The following TAAR5 variants were observed in gnomAD, a reference collection of about 807,000 sequenced individuals.
TAAR5 encodes trace amine-associated receptor 5.
In TAAR5, 27 loss-of-function variants were observed where a neutral mutation model predicts 21.1. The ratio of observed to expected loss-of-function variants is 1.28; its 90% CI spans 0.94 to 1.76. TAAR5 has a LOEUF of 1.76. Among genes scored for constraint, TAAR5 ranks in the 40% most tolerant of loss-of-function variants. The probability of loss-of-function intolerance (pLI) is 0.00; values close to 1 mark genes in which losing one functional copy is unlikely to be tolerated. For synonymous variants in TAAR5, 203 were observed against 167.5 expected (o/e 1.21, Z -1.64); for missense variants, 495 against 405.6 (o/e 1.22, Z -1.89).
chr6:132,600,090 C>A, the TAAR5 span, among the ~76,000 whole-genome samples: 1 of 152,156 alleles, frequency 6.6e-6, no homozygotes, highest in African/African-American at 2.4e-5. Flanking sequence ...ATTATCAGAA[C>A]CTAGAAGCAC....
chr6:132,604,385 C>T, the TAAR5 span, among the ~76,000 whole-genome samples: 5 of 151,936 alleles, frequency 3.3e-5, no homozygotes, highest in Non-Finnish European at 5.9e-5. Context: ...TCAGGTGATC[C>T]GTCTGTCTCA....
At chr6:132,615,955 C>A in the TAAR5 span, among the ~76,000 whole-genome samples, 6 of 151,168 alleles carry the variant, frequency 4.0e-5, no homozygotes, top group South Asian at 2.1e-4. Flanking sequence ...CTATACTTAG[C>A]CTCGGTGCAA....
At chr6:132,589,775 A>T (rs1004647840), upstream of TAAR5, 144 of 872,476 alleles carry the variant, frequency 1.7e-4, no homozygotes, top group South Asian at 2.5e-4. Context: ...AAAAAAAAAA[A>T]ATATGTCTGC....
At chr6:132,604,374 C>T in the TAAR5 span, among the ~76,000 whole-genome samples, 2 of 151,944 alleles carry the variant, frequency 1.3e-5, no homozygotes, top group Admixed American at 1.3e-4. Context: ...ATCTCTTGAC[C>T]TCAGGTGATC....
chr6:132,608,941 A>G, the TAAR5 span: 2 of 455,978 alleles, frequency 4.4e-6, no homozygotes, highest in Admixed American at 2.3e-5. Context: ...CAGTCTGAGC[A>G]TCATGTCAAA....
chr6:132,605,279 C>T, the TAAR5 span, among the ~76,000 whole-genome samples: 14 of 152,138 alleles, frequency 9.2e-5, no homozygotes, highest in East Asian at 1.9e-4. Flanking sequence ...AGCTGTGAAA[C>T]GGGAGAGAAG....
chr6:132,597,035 G>A, the TAAR5 span, among the ~76,000 whole-genome samples: 2 of 152,138 alleles, frequency 1.3e-5, no homozygotes, highest in East Asian at 1.9e-4. Flanking sequence ...CATAAATAAA[G>A]CATTCCCCAT....
upstream of TAAR5, among the ~76,000 whole-genome samples, chr6:132,592,050 T>C (rs1776914458): frequency 1.3e-5 from 2 of 152,202 alleles, no homozygotes; most frequent in Non-Finnish European, 2.9e-5. Context: ...TCCACTGACT[T>C]TTAGAAATAC....
In TAAR5 at chr6:132,589,183, T is replaced by C; in HGVS notation, c.504A>G (p.Leu168=). The change falls in exon 1 of 1, where the codon TTA becomes TTG. Residue 168 remains leucine (L), a synonymous_variant. Coordinates refer to ENST00000258034, the MANE Select transcript of TAAR5 (RefSeq NM_003967.3). The stretch of plus-strand genomic sequence containing the variant: ...TCTCTACCACATCTGTGTAGAGGAA[T>C]AACGAAGTGTATGCTGCGGGCACCC... ...GWGVPAAYTS[L]FLYTDVVETR... is the part of the protein sequence containing the mutation. The C allele has an allele frequency of 6.2e-7, 1 of 1,606,648 alleles. No homozygotes were observed.
the TAAR5 span, among the ~76,000 whole-genome samples, chr6:132,611,353 T>A: frequency 6.6e-6 from 1 of 151,984 alleles, no homozygotes; most frequent in Admixed American, 6.6e-5. Context: ...AGAATGAATA[T>A]GATCTAGTAT....
the TAAR5 span, among the ~76,000 whole-genome samples, chr6:132,603,548 G>A: frequency 6.7e-6 from 1 of 149,716 alleles, no homozygotes; most frequent in African/African-American, 2.4e-5. Context: ...TATTCATTTT[G>A]GAAATGATCT....
the TAAR5 span, among the ~76,000 whole-genome samples, chr6:132,605,969 C>T: frequency 2.8e-5 from 4 of 142,068 alleles, no homozygotes; most frequent in South Asian, 6.4e-4. Context: ...CATGTATTAG[C>T]TGGAAACAAT....
the TAAR5 span, among the ~76,000 whole-genome samples, chr6:132,612,896 CCA>C: frequency 6.6e-6 from 1 of 152,160 alleles, no homozygotes; most frequent in African/African-American, 2.4e-5. Context: ...GGGGACTCTG[CCA>C]CACCCTAGTT....
the TAAR5 span, among the ~76,000 whole-genome samples, chr6:132,613,192 A>G: frequency 6.6e-6 from 1 of 152,342 alleles, no homozygotes; most frequent in Non-Finnish European, 1.5e-5. Context: ...GCATCTGTCT[A>G]GTAAGAACAC....
chr6:132,612,335 C>A, the TAAR5 span, among the ~76,000 whole-genome samples: 1 of 152,140 alleles, frequency 6.6e-6, no homozygotes, highest in African/African-American at 2.4e-5. Flanking sequence ...TTAAAAATAT[C>A]TGTGTTGTTT....
chr6:132,604,630 A>T, the TAAR5 span, among the ~76,000 whole-genome samples: 1 of 152,160 alleles, frequency 6.6e-6, no homozygotes, highest in Non-Finnish European at 1.5e-5. Context: ...GAGAGGAGAG[A>T]TTCGACGTGC....
the TAAR5 span, among the ~76,000 whole-genome samples, chr6:132,602,909 G>T: frequency 6.6e-6 from 1 of 151,424 alleles, no homozygotes; most frequent in East Asian, 1.9e-4. Flanking sequence ...ATGAACTAAA[G>T]AGCTCATAAA....
chr6:132,608,006 C>T, the TAAR5 span, among the ~76,000 whole-genome samples: 3 of 152,274 alleles, frequency 2.0e-5, no homozygotes, highest in East Asian at 3.9e-4. Flanking sequence ...ATTTTCCCTA[C>T]CAGTCAGAGG....
At chr6:132,602,965 A>G in the TAAR5 span, among the ~76,000 whole-genome samples, 1 of 152,238 alleles carries the variant, frequency 6.6e-6, no homozygotes, top group Non-Finnish European at 1.5e-5. Flanking sequence ...TTCAGATAAC[A>G]TTGCAATAAG....
Sources: gnomAD v4.1 joint callset for allele counts (sites outside exome capture counted in the v4.1 genomes callset) on GRCh38, gnomAD v4.1.1 for gene constraint, MANE v1.5 for transcripts, NCBI Gene and HGNC (gene_info 2026-07-23, HGNC 2026-07-21) for gene names.